DLG1: variants seen among roughly 807,000 people sequenced by gnomAD.
The protein encoded by DLG1 is discs large MAGUK scaffold protein 1.
A neutral mutation model predicts 123.4 loss-of-function variants in DLG1; 42 were observed. The ratio of observed to expected loss-of-function variants is 0.34; its 90% CI spans 0.27 to 0.44. DLG1 has a LOEUF of 0.44. Among genes scored for constraint, DLG1 ranks in the 20% least tolerant of loss-of-function variants. DLG1 has a pLI of 1.00. For missense variants in DLG1, 942 were observed against 1,082.6 expected, an observed-to-expected ratio of 0.87 and a Z score of 1.82; for synonymous variants, 317 against 356.2, an observed-to-expected ratio of 0.89 and a Z score of 1.24.
At chr3:197,079,931 T>TA (rs373484988) in intron 17 of DLG1, among the ~76,000 whole-genome samples, 188 of 152,204 alleles carry the variant, frequency 1.2e-3, no homozygotes, top group African/African-American at 4.3e-3. Context: ...AGAGTAAATT[T>TA]ATTTGCTGAG....
chr3:197,212,625 T>C (rs1018887620), intron 4 of DLG1, among the ~76,000 whole-genome samples: 1 of 152,228 alleles, frequency 6.6e-6, no homozygotes, highest in African/African-American at 2.4e-5. Context: ...TGCCGTGTCA[T>C]GTCTCTTTGA....
chr3:197,232,936 A>C (rs1744011421), intron 4 of DLG1, among the ~76,000 whole-genome samples: 1 of 62,990 alleles, frequency 1.6e-5, no homozygotes, highest in Non-Finnish European at 3.4e-5. Flanking sequence ...CCAGAAACAA[A>C]GAAGGATTTA....
Position 197,042,956 on chromosome 3 carries a change from TCTC to T in DLG1, c.*1664_*1666del, listed in dbSNP as rs1353940772. On this transcript the variant is annotated 3_prime_UTR_variant, in exon 25 of 25. Transcript: ENST00000667157. ...TTTTACAATACAGTTTATTAGCTGT[TCTC>T]CTCTTCTTCATAAATGGAATGGATA... is the stretch of plus-strand genomic sequence containing the variant. 1.3e-5 allele frequency: 2 copies of T among 152,228 alleles called. No homozygotes were observed. The highest frequency in any genetic ancestry group is 2.4e-5 in the African/African-American group (1 of 41,452). The allele number at this position is 152,228 out of a possible 1,614,324, so 9.4% of individuals were successfully genotyped here.
chr3:197,247,858 T>C (rs1399032827), intron 4 of DLG1, among the ~76,000 whole-genome samples: 1 of 152,142 alleles, frequency 6.6e-6, no homozygotes, highest in Non-Finnish European at 1.5e-5. Flanking sequence ...GTTTCTTGCC[T>C]TCCCTCTCCC....
chr3:197,083,318 AT>A (rs968909394), intron 16 of DLG1, among the ~76,000 whole-genome samples: 2 of 152,236 alleles, frequency 1.3e-5, no homozygotes, highest in African/African-American at 2.4e-5. Context: ...TAAGAAAAAG[AT>A]GTTTATTACA....
In DLG1 at chr3:197,194,432, G is replaced by A. The variant is rs1408781378; in HGVS notation, c.476C>T (p.Pro159Leu). The change falls in exon 5 of 25, where the codon CCA becomes CTA. Residue 159 changes from proline to leucine, a missense_variant. By Grantham distance (98) the Pro-to-Leu change is moderately conservative (BLOSUM62 -3). Transcript: ENST00000667157. The part of the protein sequence containing the change: ...HGFVSHSHIS[P>L]IKANPPPVLV... ...AAATAGATACTATCCTACCTTTATT[G>A]GTGAAATATGAGAATGAGAAACAAA... 1.3e-6 allele frequency: 2 copies of A among 1,581,760 alleles called. No homozygotes were observed. The highest frequency in any genetic ancestry group is 1.7e-6 in the Non-Finnish European group (2 of 1,165,880).
upstream of DLG1, chr3:197,298,633 C>T (rs1040356857): frequency 6.3e-5 from 25 of 398,382 alleles, 1 homozygote; most frequent in Middle Eastern, 6.2e-4. Flanking sequence ...CGGGGAAAAG[C>T]CGCCTTAAGG....
chr3:197,267,146 G>A (rs1465511633), intron 4 of DLG1, among the ~76,000 whole-genome samples: 1 of 152,120 alleles, frequency 6.6e-6, no homozygotes, highest in Non-Finnish European at 1.5e-5. Flanking sequence ...TAAGGTAGTA[G>A]TAAATACATG....
chr3:197,051,218 AC>A (rs1360949744), intron 24 of DLG1, among the ~76,000 whole-genome samples: 3 of 152,140 alleles, frequency 2.0e-5, no homozygotes, highest in African/African-American at 7.2e-5. Flanking sequence ...TACTAAAAAT[AC>A]AAAATTAGCT....
At chr3:197,149,665 C>T in intron 6 of DLG1, 78 bp downstream of exon 6, 1 of 887,350 alleles carries the variant, frequency 1.1e-6, no homozygotes, top group Non-Finnish European at 1.9e-6. Flanking sequence ...AAAACAATGC[C>T]ATGGTCTTCG....
At chr3:197,200,543 A>G (rs116099036) in intron 4 of DLG1, among the ~76,000 whole-genome samples, 1,552 of 152,316 alleles carry the variant, frequency 0.01, 31 homozygotes, top group African/African-American at 0.035. Context: ...CTATAGGCCA[A>G]TACCACTAAT....
chr3:197,142,728 G>T lies in DLG1; in HGVS notation c.578C>A (p.Thr193Lys), dbSNP rs1213491567. The change falls in exon 7 of 25, where the codon ACA becomes AAA. Residue 193 changes from threonine (T) to lysine (K), a missense_variant. Thr to Lys is a moderately conservative substitution (Grantham distance 78). Coordinates refer to ENST00000667157, the MANE Select transcript of DLG1 (RefSeq NM_001366207.1). The part of the protein sequence containing the change: ...TDADYEYEEI[T>K]LERGNSGLGF... ...GATAATAGTTTTTACCCTTTCAAGT[G>T]TGATTTCTTCATATTCATAATCTGC... 1 of 1,606,998 alleles carries T rather than the reference G, an allele frequency of 6.2e-7. No individual in the cohort carries two copies. Among genetic ancestry groups the T allele is most frequent in the Admixed American group, 1.7e-5 (1 of 59,014 alleles).
At chr3:197,144,089 A>G (rs1439578636) in intron 6 of DLG1, among the ~76,000 whole-genome samples, 1 of 152,170 alleles carries the variant, frequency 6.6e-6, no homozygotes, top group Non-Finnish European at 1.5e-5. Flanking sequence ...TCCATTCCAG[A>G]CATTCTTTTG....
rs1440980869 is a variant in DLG1 at position 197,295,381 on chromosome 3, A to G, written c.151+965T>C. Among the ~76,000 whole-genome samples the G allele has an allele frequency of 3.9e-5, 6 of 152,160 alleles. No individual in the cohort carries two copies. In the East Asian group the frequency reaches 1.2e-3, roughly 29 times the overall value. ...CAACAATTATTCTATCAACAGATAG[A>G]TGTAAGGCCATATCTGACTGGAAGT... On this transcript the variant is annotated intron_variant, in intron 3 of 24. Transcript: ENST00000667157.
At chr3:197,080,569 C>T (rs1683700874) in intron 17 of DLG1, 1 of 146,294 alleles carries the variant, frequency 6.8e-6, no homozygotes, top group Non-Finnish European at 1.5e-5. Context: ...TCAAGTGATT[C>T]TTGTGCCTCA....
chr3:197,190,713 C>G (rs1369021920), intron 5 of DLG1, among the ~76,000 whole-genome samples: 1 of 152,118 alleles, frequency 6.6e-6, no homozygotes, highest in East Asian at 1.9e-4. Flanking sequence ...GAGATGGCTG[C>G]TAAAAGGGTT....
chr3:197,224,738 C>A (rs1273928300), intron 4 of DLG1, among the ~76,000 whole-genome samples: 1 of 152,030 alleles, frequency 6.6e-6, no homozygotes, highest in Non-Finnish European at 1.5e-5. Context: ...GCTTGGGTGA[C>A]CAGAAAAGCA....
chr3:197,116,157 A>G, intron 12 of DLG1, 74 bp from the exon 13 acceptor site: 6 of 1,183,486 alleles, frequency 5.1e-6, no homozygotes, highest in Non-Finnish European at 7.1e-6. Flanking sequence ...AGAACTACCT[A>G]CTGATAATTT....
intron 19 of DLG1, among the ~76,000 whole-genome samples, chr3:197,068,159 A>G (rs1375970857): frequency 6.6e-6 from 1 of 152,198 alleles, no homozygotes; most frequent in African/African-American, 2.4e-5. Context: ...CATAAGACCA[A>G]TATTTTATAA....
Sources: allele counts gnomAD v4.1 joint callset (sites outside exome capture counted in the v4.1 genomes callset), GRCh38; gene constraint gnomAD v4.1.1; transcripts MANE v1.5; gene names NCBI Gene and HGNC (gene_info 2026-07-23, HGNC 2026-07-21).